The following BMPR1B variants were observed in gnomAD, a reference collection of about 807,000 sequenced individuals.
BMPR1B encodes the protein bone morphogenetic protein receptor type-1B.
Under a neutral mutation model 59.1 loss-of-function variants are expected in BMPR1B, and 12 were observed. The ratio of observed to expected loss-of-function variants is 0.20; its 90% CI spans 0.13 to 0.33. The LOEUF is 0.33. Among genes scored for constraint, BMPR1B ranks in the 10% least tolerant of loss-of-function variants. The pLI, the probability that BMPR1B is intolerant of heterozygous loss-of-function variation, is 1.00. For missense variants in BMPR1B, 550 were observed against 610.9 expected, an observed-to-expected ratio of 0.90 and a Z score of 1.05; for synonymous variants, 237 against 207.3, an observed-to-expected ratio of 1.14 and a Z score of -1.23.
intron 2 of BMPR1B, among the ~76,000 whole-genome samples, chr4:94,889,273 A>G (rs147519068): frequency 0.015 from 2,344 of 152,214 alleles, 29 homozygotes; most frequent in Admixed American, 0.036. Flanking sequence ...GCCTGTGATT[A>G]ACATTTTTTC....
rs373622801 is a variant in BMPR1B at position 94,916,948 on chromosome 4, A to G, written c.-113+41048A>G. ...GCAGCCTTGGGACATTGCTCCCTAT[A>G]TCCTGGCTGATCTGGCAGCCATGTC... is the stretch of plus-strand genomic sequence containing the variant. On this transcript the variant is annotated intron_variant, in intron 2 of 12. Coordinates refer to ENST00000515059, the MANE Select transcript of BMPR1B (RefSeq NM_001203.3). 2.0e-4 allele frequency among the ~76,000 whole-genome samples: 30 copies of G among 152,270 alleles called. 1 individual carries two copies. In the South Asian group the frequency reaches 5.8e-3, roughly 29 times the overall value.
chr4:94,850,792 T>C (rs1290758707), intron 1 of BMPR1B, among the ~76,000 whole-genome samples: 1 of 152,110 alleles, frequency 6.6e-6, no homozygotes, highest in African/African-American at 2.4e-5. Context: ...CGAAACTTAC[T>C]CCAAACAGAT....
At position 94,784,791 on chromosome 4, in the gene BMPR1B, A is replaced by G. The variant is rs1415635878; in HGVS notation, c.-183+26723A>G. Among the ~76,000 whole-genome samples the G allele has an allele frequency of 2.6e-5, 4 of 152,288 alleles. No individual in the cohort carries two copies. The East Asian group carries it at 5.8e-4, about 22-fold the overall frequency. ...TTTAGAGTGGCCACAGTAGCAGCTC[A>G]TGTCATTCTTGTGGTTGTAAAGCCC... On this transcript the variant is annotated intron_variant, in intron 1 of 12. Coordinates refer to ENST00000515059, the MANE Select transcript of BMPR1B (RefSeq NM_001203.3).
At chr4:94,796,425 G>A (rs1421191398) in intron 1 of BMPR1B, among the ~76,000 whole-genome samples, 1 of 152,146 alleles carries the variant, frequency 6.6e-6, no homozygotes, top group Non-Finnish European at 1.5e-5. Context: ...GCATCAAGAT[G>A]TTTCTGAATA....
intron 3 of BMPR1B, among the ~76,000 whole-genome samples, chr4:95,073,715 A>G (rs1260829976): frequency 1.3e-5 from 2 of 152,210 alleles, no homozygotes; most frequent in African/African-American, 4.8e-5. Flanking sequence ...CATCTAATAC[A>G]AAACCAAATG....
At chr4:95,018,410 C>G (rs1378850373) in intron 3 of BMPR1B, among the ~76,000 whole-genome samples, 1 of 152,110 alleles carries the variant, frequency 6.6e-6, no homozygotes, top group Non-Finnish European at 1.5e-5. Context: ...ATTTACTCTA[C>G]TTGCTTTTTA....
At chr4:95,108,871 A>G (rs1731399366) in intron 4 of BMPR1B, among the ~76,000 whole-genome samples, 1 of 151,908 alleles carries the variant, frequency 6.6e-6, no homozygotes, top group African/African-American at 2.4e-5. Flanking sequence ...TCCAGATTCT[A>G]CTCCTAGGAT....
intron 4 of BMPR1B, among the ~76,000 whole-genome samples, chr4:95,113,326 T>A (rs962498031): frequency 7.9e-5 from 12 of 152,182 alleles, no homozygotes; most frequent in Non-Finnish European, 1.5e-4. Context: ...ATTAGTATGT[T>A]TGAATTTTGT....
At chr4:95,047,687 C>T (rs768180863) in intron 3 of BMPR1B, among the ~76,000 whole-genome samples, 11 of 152,090 alleles carry the variant, frequency 7.2e-5, no homozygotes, top group Admixed American at 1.3e-4. Flanking sequence ...CTTCATGGAG[C>T]GAGACTATCT....
At chr4:95,138,508 A>G (rs910717258) in intron 10 of BMPR1B, among the ~76,000 whole-genome samples, 4 of 152,172 alleles carry the variant, frequency 2.6e-5, no homozygotes, top group African/African-American at 7.2e-5. Context: ...GTGTCTTCCA[A>G]CTTGGTTCCA....
At chr4:94,934,798 T>C (rs983938830) in intron 2 of BMPR1B, among the ~76,000 whole-genome samples, 5 of 152,156 alleles carry the variant, frequency 3.3e-5, no homozygotes, top group African/African-American at 1.2e-4. Flanking sequence ...GCATGATACT[T>C]CAAGATTCTG....
intron 3 of BMPR1B, among the ~76,000 whole-genome samples, chr4:95,034,463 A>C (rs563968920): frequency 6.6e-6 from 1 of 152,014 alleles, no homozygotes; most frequent in South Asian, 2.1e-4. Flanking sequence ...CCCAAAGTCC[A>C]TTATATCATT....
chr4:94,931,914 G>A (rs1194283323), intron 2 of BMPR1B, among the ~76,000 whole-genome samples: 1 of 151,978 alleles, frequency 6.6e-6, no homozygotes, highest in African/African-American at 2.4e-5. Context: ...AGTGTGAGGT[G>A]GAAATTTGGG....
At chr4:94,802,128 T>A (rs1454320708) in intron 1 of BMPR1B, among the ~76,000 whole-genome samples, 2 of 152,222 alleles carry the variant, frequency 1.3e-5, no homozygotes, top group Non-Finnish European at 2.9e-5. Context: ...TTGTAGTAGT[T>A]TCTTACCACC....
At chr4:94,767,088 G>A (rs1293247984) in intron 1 of BMPR1B, among the ~76,000 whole-genome samples, 1 of 152,008 alleles carries the variant, frequency 6.6e-6, no homozygotes, top group South Asian at 2.1e-4. Context: ...GAAGCCAGAT[G>A]GACTCAGAAG....
intron 1 of BMPR1B, among the ~76,000 whole-genome samples, chr4:94,809,192 A>G (rs1400333472): frequency 6.6e-6 from 1 of 152,204 alleles, no homozygotes; most frequent in African/African-American, 2.4e-5. Flanking sequence ...ACTGGGCTGT[A>G]GGCACATGAG....
chr4:95,088,807 A>G (rs946165537), intron 3 of BMPR1B, among the ~76,000 whole-genome samples: 2 of 152,108 alleles, frequency 1.3e-5, no homozygotes, highest in Non-Finnish European at 2.9e-5. Context: ...AAAAAAAGCT[A>G]TGAGACTCCT....
At chr4:94,819,833 C>A (rs903776216) in intron 1 of BMPR1B, among the ~76,000 whole-genome samples, 1 of 152,138 alleles carries the variant, frequency 6.6e-6, no homozygotes, top group African/African-American at 2.4e-5. Context: ...GTTGGTAGTA[C>A]CTTCGTAGTG....
At chr4:94,916,926 G>C (rs1728502947) in intron 2 of BMPR1B, among the ~76,000 whole-genome samples, 1 of 152,216 alleles carries the variant, frequency 6.6e-6, no homozygotes, top group Non-Finnish European at 1.5e-5. Context: ...GCCCTGTGCA[G>C]CCTTGGGACA....
Sources: allele counts gnomAD v4.1 joint callset (sites outside exome capture counted in the v4.1 genomes callset), GRCh38; gene constraint gnomAD v4.1.1; transcripts MANE v1.5; gene names NCBI Gene and HGNC (gene_info 2026-07-23, HGNC 2026-07-21).